The following SLC20A2 variants were observed in gnomAD, a reference collection of about 807,000 sequenced individuals.
The protein encoded by SLC20A2 is solute carrier family 20 member 2.
In SLC20A2, 30 loss-of-function variants were observed where a neutral mutation model predicts 61.0. The observed-to-expected ratio is 0.49, with a 90% CI of 0.37 to 0.67. SLC20A2 has a LOEUF of 0.67. Ranked by LOEUF, SLC20A2 falls within the 30% of genes least tolerant of loss-of-function variation. The probability of loss-of-function intolerance (pLI) is 0.00; values close to 1 mark genes in which losing one functional copy is unlikely to be tolerated. For synonymous variants in SLC20A2, 351 were observed against 353.3 expected, an observed-to-expected ratio of 0.99 and a Z score of 0.07; for missense variants, 626 against 866.4, an observed-to-expected ratio of 0.72 and a Z score of 3.48.
chr8:42,495,615 A>G (rs1284529599), intron 1 of SLC20A2, among the ~76,000 whole-genome samples: 4 of 152,224 alleles, frequency 2.6e-5, no homozygotes, highest in African/African-American at 4.8e-5. Flanking sequence ...AGTAACATCA[A>G]TATCTTATGA....
intron 2 of SLC20A2, among the ~76,000 whole-genome samples, chr8:42,466,678 T>C (rs1196008028): frequency 6.6e-6 from 1 of 152,112 alleles, no homozygotes; most frequent in Non-Finnish European, 1.5e-5. Flanking sequence ...CTTTTCTTTT[T>C]TTCTTTTGTA....
intron 8 of SLC20A2, among the ~76,000 whole-genome samples, chr8:42,436,699 C>T (rs945052184): frequency 2.6e-5 from 4 of 152,346 alleles, no homozygotes; most frequent in South Asian, 2.1e-4. Flanking sequence ...GCTGACGCCA[C>T]GTGGCCGCCC....
chr8:42,467,656 G>A (rs954174426), intron 2 of SLC20A2, among the ~76,000 whole-genome samples: 13 of 152,164 alleles, frequency 8.5e-5, no homozygotes, highest in South Asian at 2.1e-4. Flanking sequence ...AGTGCTAGGC[G>A]TGCTGACCTT....
intron 7 of SLC20A2, among the ~76,000 whole-genome samples, chr8:42,439,018 G>A (rs1431178550): frequency 6.6e-6 from 1 of 152,106 alleles, no homozygotes; most frequent in Non-Finnish European, 1.5e-5. Context: ...CACCTGGTCA[G>A]TCTGGACATT....
chr8:42,531,105 C>G (rs112970895), intron 1 of SLC20A2, among the ~76,000 whole-genome samples: 19 of 152,298 alleles, frequency 1.2e-4, no homozygotes, highest in African/African-American at 3.9e-4. Context: ...CTATCATTCA[C>G]GTATTAATAT....
intron 1 of SLC20A2, among the ~76,000 whole-genome samples, chr8:42,520,039 A>C (rs1395280723): frequency 7.4e-6 from 1 of 135,554 alleles, no homozygotes; most frequent in East Asian, 2.1e-4. Context: ...TTTAAGACAG[A>C]GCCTCACTCT....
At chr8:42,488,904 T>C (rs1308045697) in intron 1 of SLC20A2, among the ~76,000 whole-genome samples, 3 of 150,864 alleles carry the variant, frequency 2.0e-5, no homozygotes, top group African/African-American at 7.3e-5. Flanking sequence ...ATCAGGTCGT[T>C]TGCTTTTTGT....
chr8:42,443,225 AATT>A (rs1317616696), intron 6 of SLC20A2, among the ~76,000 whole-genome samples: 2 of 142,490 alleles, frequency 1.4e-5, no homozygotes, highest in Non-Finnish European at 3.0e-5. Flanking sequence ...ACCACAGTAT[AATT>A]ATTACAGTAC....
At chr8:42,464,283 CTT>C (rs1190927976) in intron 3 of SLC20A2, among the ~76,000 whole-genome samples, 55 of 128,454 alleles carry the variant, frequency 4.3e-4, no homozygotes, top group Admixed American at 4.7e-4. Flanking sequence ...AATTTTCTTT[CTT>C]TTTTTTTTTT....
intron 1 of SLC20A2, among the ~76,000 whole-genome samples, chr8:42,497,097 A>C (rs1809984100): frequency 6.6e-6 from 1 of 152,130 alleles, no homozygotes; most frequent in African/African-American, 2.4e-5. Flanking sequence ...GTAATTGCAA[A>C]ATTTTCCTGG....
intron 10 of SLC20A2, among the ~76,000 whole-genome samples, chr8:42,423,695 CAG>C (rs1371312743): frequency 3.2e-4 from 48 of 152,260 alleles, no homozygotes; most frequent in African/African-American, 1.1e-3. Flanking sequence ...TACGCTAAGA[CAG>C]TAATTTCTGA....
chr8:42,456,784 G>A (rs1329970685), intron 5 of SLC20A2, among the ~76,000 whole-genome samples: 2 of 151,200 alleles, frequency 1.3e-5, no homozygotes, highest in Non-Finnish European at 2.9e-5. Context: ...CCGTTACAGA[G>A]TTCACTTCCA....
Position 42,444,734 on chromosome 8 carries a change from G to A in SLC20A2, c.642C>T (p.Ala214=), listed in dbSNP as rs747142480. The A allele has an allele frequency of 6.2e-7, 1 of 1,613,696 alleles. No individual in the cohort carries two copies. Among genetic ancestry groups the A allele is most frequent in the Non-Finnish European group, 8.5e-7 (1 of 1,179,774 alleles). Residue 214 remains alanine (A), a synonymous_variant, in exon 6 of 11, where the codon GCC becomes GCT. Coordinates refer to ENST00000520262, the MANE Select transcript of SLC20A2 (RefSeq NM_001257180.2). The part of the protein sequence containing the change: ...PVLGLVLPMW[A]IALISFGVAL... ...CGACACCAAAGGAAATGAGGGCTATGGCCCACATGGGGAGAACAAGGCCGA... is the reference window on the plus strand; with the variant it reads ...CGACACCAAAGGAAATGAGGGCTATAGCCCACATGGGGAGAACAAGGCCGA...
At chr8:42,441,178 C>G (rs898743485) in intron 6 of SLC20A2, among the ~76,000 whole-genome samples, 1 of 129,978 alleles carries the variant, frequency 7.7e-6, no homozygotes, top group African/African-American at 3.0e-5. Context: ...GAGTTTCACT[C>G]TTTTTGCCCA....
At chr8:42,483,200 G>A (rs981397768) in intron 1 of SLC20A2, among the ~76,000 whole-genome samples, 1 of 151,862 alleles carries the variant, frequency 6.6e-6, no homozygotes, top group African/African-American at 2.4e-5. Flanking sequence ...ACTAAAATCC[G>A]TCTCTACTAA....
At chr8:42,465,688 T>TA in intron 3 of SLC20A2, 89 bp downstream of exon 3, 1 of 1,095,506 alleles carries the variant, frequency 9.1e-7, no homozygotes, top group Non-Finnish European at 1.3e-6. Flanking sequence ...ACACTCCGGG[T>TA]CAAAAAAAAA....
chr8:42,440,794 A>ATTAT (rs201167528), intron 6 of SLC20A2, among the ~76,000 whole-genome samples: 17 of 151,888 alleles, frequency 1.1e-4, no homozygotes, highest in South Asian at 4.2e-4. Context: ...AGTATTTTTC[A>ATTAT]TTATTTATTT....
At chr8:42,503,397 G>A (rs979794543), upstream of SLC20A2, among the ~76,000 whole-genome samples, 3 of 152,120 alleles carry the variant, frequency 2.0e-5, no homozygotes, top group Non-Finnish European at 2.9e-5. Context: ...TTAGTTCAAC[G>A]AATCCATGAA....
At chr8:42,498,841 C>T (rs1810130473) in intron 1 of SLC20A2, among the ~76,000 whole-genome samples, 1 of 152,270 alleles carries the variant, frequency 6.6e-6, no homozygotes, top group Non-Finnish European at 1.5e-5. Flanking sequence ...TGTTACATAG[C>T]GCAGTTCCCA....
Sources: gnomAD v4.1 joint callset for allele counts (sites outside exome capture counted in the v4.1 genomes callset) on GRCh38, gnomAD v4.1.1 for gene constraint, MANE v1.5 for transcripts, NCBI Gene and HGNC (gene_info 2026-07-23, HGNC 2026-07-21) for gene names.